RPRD2: variants seen among roughly 807,000 people sequenced by gnomAD.
RPRD2 encodes the protein regulation of nuclear pre-mRNA domain-containing protein 2.
Under a neutral mutation model 104.4 loss-of-function variants are expected in RPRD2, and 12 were observed. The observed-to-expected ratio is 0.11, with a 90% confidence interval of 0.07 to 0.19. The LOEUF (loss-of-function observed/expected upper bound fraction) is 0.19. RPRD2 is among the 10% of genes least tolerant of loss of function. The pLI is 1.00. For synonymous variants in RPRD2, 714 were observed against 684.9 expected (o/e 1.04, Z -0.66); for missense variants, 1,543 against 1,790.1 (o/e 0.86, Z 2.49).
intron 2 of RPRD2, among the ~76,000 whole-genome samples, chr1:150,436,464 G>A (rs1227462220): frequency 6.6e-6 from 1 of 152,018 alleles, no homozygotes. Flanking sequence ...AGCTGGGCGT[G>A]GTGGCAGGCG....
rs1668547218 is a variant in RPRD2 at position 150,470,933 on chromosome 1, A to T, written c.1985A>T (p.Glu662Val). 3 of 1,614,010 alleles carry T rather than the reference A, an allele frequency of 1.9e-6. No individual in the cohort carries two copies. Among genetic ancestry groups the T allele is most frequent in the African/African-American group, 2.7e-5 (2 of 75,046 alleles). Residue 662 changes from glutamate (E) to valine (V), a missense_variant, in exon 11 of 11, where the codon GAG becomes GTG. This residue lies in a region of RPRD2 where 572 missense variants were observed against 787.3 expected (regional missense o/e 0.73). Coordinates refer to ENST00000369068, the MANE Select transcript of RPRD2 (RefSeq NM_015203.5). ...GTCTCCAAGCCAAAGCTGGAGTCAG[A>T]GTCCACCTCCCCAAGCCTGGAAATG... ...SEVSKPKLES[E>V]STSPSLEMKI...
At chr1:150,414,638 C>T (rs184511238) in intron 1 of RPRD2, among the ~76,000 whole-genome samples, 5 of 148,368 alleles carry the variant, frequency 3.4e-5, no homozygotes, top group African/African-American at 5.0e-5. Context: ...TTATTCTGCG[C>T]GCCAAAGCTA....
At chr1:150,397,589 C>G (rs781899675) in intron 1 of RPRD2, among the ~76,000 whole-genome samples, 4 of 152,116 alleles carry the variant, frequency 2.6e-5, no homozygotes, top group Non-Finnish European at 5.9e-5. Flanking sequence ...TGACTTCTTT[C>G]ATTTAGCATG....
At chr1:150,377,220 G>A (rs1300906498) in intron 1 of RPRD2, among the ~76,000 whole-genome samples, 1 of 151,200 alleles carries the variant, frequency 6.6e-6, no homozygotes, top group East Asian at 2.0e-4. Context: ...GAAAAAAAAA[G>A]AAAAAAAGAA....
chr1:150,387,781 A>G (rs2102161205), intron 1 of RPRD2, among the ~76,000 whole-genome samples: 1 of 149,834 alleles, frequency 6.7e-6, no homozygotes, highest in South Asian at 2.1e-4. Context: ...TAGTAGACAG[A>G]GATTCACCAT....
intron 10 of RPRD2, 37 bp downstream of exon 10, chr1:150,464,764 TG>T (rs1553899583): frequency 6.6e-7 from 1 of 1,504,082 alleles, no homozygotes; most frequent in African/African-American, 1.4e-5. Context: ...GAATTGTGAA[TG>T]TTTGTCTCTG....
intron 2 of RPRD2, among the ~76,000 whole-genome samples, chr1:150,432,970 C>T (rs1202245356): frequency 6.6e-6 from 1 of 151,874 alleles, no homozygotes; most frequent in Non-Finnish European, 1.5e-5. Context: ...AGAGTGAGAC[C>T]CTGTCTCAAG....
chr1:150,448,613 C>A (rs1393820834), intron 7 of RPRD2, among the ~76,000 whole-genome samples: 1 of 152,150 alleles, frequency 6.6e-6, no homozygotes, highest in African/African-American at 2.4e-5. Flanking sequence ...TTGTTCATTG[C>A]AAGGTTTTGT....
intron 1 of RPRD2, among the ~76,000 whole-genome samples, chr1:150,387,604 T>G (rs1661680206): frequency 9.8e-6 from 1 of 102,254 alleles, no homozygotes; most frequent in Non-Finnish European, 2.0e-5. Context: ...TTTTTTTTTT[T>G]TTTTGAGACG....
intron 8 of RPRD2, among the ~76,000 whole-genome samples, chr1:150,458,634 TTTTA>T (rs1365188514): frequency 2.0e-5 from 3 of 152,170 alleles, no homozygotes; most frequent in Admixed American, 6.6e-5. Context: ...GTCTGTTTCT[TTTTA>T]TTTGTTTGTT....
At chr1:150,456,627 T>A (rs1365614660) in intron 7 of RPRD2, among the ~76,000 whole-genome samples, 97 of 143,872 alleles carry the variant, frequency 6.7e-4, no homozygotes, top group African/African-American at 2.4e-3. Context: ...AAATTTTATT[T>A]AAAAAAAAAA....
intron 10 of RPRD2, among the ~76,000 whole-genome samples, chr1:150,468,571 C>CA (rs1316276564): frequency 6.6e-6 from 1 of 151,622 alleles, no homozygotes; most frequent in East Asian, 2.0e-4. Context: ...TTTGTGAGAA[C>CA]AGTGATTACT....
chr1:150,405,947 G>T (rs1663438620), intron 1 of RPRD2, among the ~76,000 whole-genome samples: 1 of 152,144 alleles, frequency 6.6e-6, no homozygotes. Context: ...CGCAAGAATA[G>T]TGATGCTTTT....
At chr1:150,430,758 C>A (rs147326614) in intron 2 of RPRD2, among the ~76,000 whole-genome samples, 18 of 152,114 alleles carry the variant, frequency 1.2e-4, no homozygotes, top group Admixed American at 7.9e-4. Flanking sequence ...GGAGAAACCC[C>A]GTCTCTACTA....
chr1:150,473,244 A>G lies in RPRD2; in HGVS notation c.4296A>G (p.Pro1432=). 6.2e-7 allele frequency: 1 copy of G among 1,613,822 alleles called. No homozygotes were observed. The highest frequency in any genetic ancestry group is 1.1e-5 in the South Asian group (1 of 91,076). The change falls in exon 11 of 11, where the codon CCA becomes CCG. Residue 1432 remains proline (P), a synonymous_variant. Transcript: ENST00000369068. ...GGGAACCTTTTCTCAGCAGAGACCC[A>G]TTTCACAGTTTAAAGAGACCCAGGC... is the stretch of plus-strand genomic sequence containing the variant. The part of the protein sequence containing the change: ...RPREPFLSRD[P]FHSLKRPRPP...
chr1:150,434,628 C>T (rs587730297), intron 2 of RPRD2, among the ~76,000 whole-genome samples: 27 of 152,174 alleles, frequency 1.8e-4, no homozygotes, highest in Non-Finnish European at 3.1e-4. Flanking sequence ...CCAGCCTGGA[C>T]AACGTGGTGA....
At chr1:150,404,649 A>G (rs587718573) in intron 1 of RPRD2, among the ~76,000 whole-genome samples, 3 of 152,180 alleles carry the variant, frequency 2.0e-5, no homozygotes, top group East Asian at 1.9e-4. Flanking sequence ...GGGTCTCCCT[A>G]TGTTGCCCAG....
At chr1:150,388,496 C>CGT (rs1661809371) in intron 1 of RPRD2, among the ~76,000 whole-genome samples, 3 of 93,892 alleles carry the variant, frequency 3.2e-5, no homozygotes, top group Non-Finnish European at 4.9e-5. Flanking sequence ...TATATACCCG[C>CGT]GCACACACAC....
chr1:150,426,717 G>A (rs1349097403), intron 2 of RPRD2, among the ~76,000 whole-genome samples: 2 of 152,220 alleles, frequency 1.3e-5, no homozygotes, highest in South Asian at 4.1e-4. Context: ...GGGGTAGGGG[G>A]CAGGGAATGG....
Sources: allele counts gnomAD v4.1 joint callset (sites outside exome capture counted in the v4.1 genomes callset), GRCh38; gene constraint gnomAD v4.1.1; regional missense constraint gnomAD v4.1.1; transcripts MANE v1.5; gene names NCBI Gene and HGNC (gene_info 2026-07-23, HGNC 2026-07-21).